The following DHCR7 variants were observed in gnomAD, a reference collection of about 807,000 sequenced individuals.
DHCR7 encodes the protein 7-DHC reductase.
DHCR7 carries 40 observed loss-of-function variants against 43.3 expected under a neutral mutation model. That is an observed-to-expected ratio of 0.92 (90% CI 0.72 to 1.20). The LOEUF is 1.20. Ranked by LOEUF, DHCR7 falls within the 50% of genes most tolerant of loss-of-function variation. DHCR7 has a pLI of 0.00. For missense variants in DHCR7, 608 were observed against 644.6 expected (o/e 0.94, Z 0.62); for synonymous variants, 298 against 271.4 (o/e 1.10, Z -0.96).
At chr11:71,440,505 A>G (rs1949337042) in intron 6 of DHCR7, among the ~76,000 whole-genome samples, 1 of 148,274 alleles carries the variant, frequency 6.7e-6, no homozygotes, top group Admixed American at 6.7e-5. Flanking sequence ...GGATGGGGAG[A>G]TGGGCAGGTG....
Position 71,447,729 on chromosome 11 carries a change from A to G in DHCR7, c.-126T>C, listed in dbSNP as rs1009407899. On this transcript the variant is annotated 5_prime_UTR_variant, in exon 2 of 9. Coordinates refer to ENST00000355527, the MANE Select transcript of DHCR7 (RefSeq NM_001360.3). ...CCTGCTTGATCCTTCTCAACCGGCT[A>G]AAGTCCTGCAAGGAACACAAAAATG... 6.6e-6 allele frequency: 1 copy of G among 152,288 alleles called. No homozygotes were observed. Among genetic ancestry groups the G allele is most frequent in the Admixed American group, 6.5e-5 (1 of 15,292 alleles). 9.4% of individuals were successfully genotyped at this position (152,288 alleles called of 1,614,324 possible).
At chr11:71,442,155 T>G (rs1949354504) in intron 5 of DHCR7, 108 bp downstream of exon 5, 1 of 889,106 alleles carries the variant, frequency 1.1e-6, no homozygotes, top group Non-Finnish European at 1.8e-6. Flanking sequence ...CAAAATGGAT[T>G]TCTATCCTGT....
intron 6 of DHCR7, 46 bp from the exon 7 acceptor site, chr11:71,439,129 C>T (rs775905290): frequency 1.1e-5 from 17 of 1,569,374 alleles, no homozygotes; most frequent in Non-Finnish European, 1.5e-5. Flanking sequence ...GAGCATATCT[C>T]ACAAGATGAA....
chr11:71,444,967 AAG>A lies in DHCR7; in HGVS notation c.-6-11_-6-10del. ...TTTGCAGCCATTGGGCCCTGCAAGA[AAG>A]AGAACCTTGCTTACATTATCCCTCA... On this transcript the variant is annotated splice_polypyrimidine_tract_variant and intron_variant, in intron 2 of 8. Coordinates refer to ENST00000355527, the MANE Select transcript of DHCR7 (RefSeq NM_001360.3). 6.2e-7 allele frequency: 1 copy of A among 1,610,768 alleles called. No individual in the cohort carries two copies. Among genetic ancestry groups the A allele is most frequent in the East Asian group, 2.2e-5 (1 of 44,858 alleles).
At chr11:71,448,085 G>C (rs1033591957) in intron 1 of DHCR7, 2 of 152,614 alleles carry the variant, frequency 1.3e-5, no homozygotes, top group Non-Finnish European at 2.9e-5. Flanking sequence ...TCGTGGGGGA[G>C]GGGGACTATC....
intron 6 of DHCR7, 133 bp from the exon 7 acceptor site, chr11:71,439,216 G>C (rs1003973951): frequency 1.2e-6 from 1 of 832,536 alleles, no homozygotes; most frequent in Non-Finnish European, 1.9e-6. Context: ...GCAGAAGCTG[G>C]CCATGAGCCG....
Position 71,444,927 on chromosome 11 carries a change from A to G in DHCR7, c.26T>C (p.Ile9Thr). 1 of 1,614,174 alleles carries G rather than the reference A, an allele frequency of 6.2e-7. No individual in the cohort carries two copies. The highest frequency in any genetic ancestry group is 8.5e-7 in the Non-Finnish European group (1 of 1,180,032). Residue 9 changes from isoleucine to threonine, a missense_variant, in exon 3 of 9, where the codon ATT becomes ACT. Physicochemically the swap from Ile to Thr is moderately conservative, Grantham distance 89. Transcript: ENST00000355527. The part of the protein sequence containing the change: MAAKSQPN[I>T]PKAKSLDGVT... ...GCCATCTAGACTCTTGGCTTTGGGA[A>G]TGTTGGGTTGCGATTTTGCAGCCAT...
chr11:71,431,202 G>A (rs1372330951), downstream of DHCR7, among the ~76,000 whole-genome samples: 2 of 152,166 alleles, frequency 1.3e-5, no homozygotes, highest in Admixed American at 1.3e-4. Flanking sequence ...CTCAAAGGTG[G>A]ACACAACAGT....
intron 7 of DHCR7, among the ~76,000 whole-genome samples, chr11:71,438,209 G>A (rs1156840850): frequency 1.3e-5 from 2 of 152,208 alleles, no homozygotes; most frequent in African/African-American, 4.8e-5. Context: ...GCTTGCAATG[G>A]CGCGTGCCAA....
intron 6 of DHCR7, among the ~76,000 whole-genome samples, chr11:71,440,326 AATGG>A (rs1349009029): frequency 2.0e-5 from 3 of 151,952 alleles, no homozygotes; most frequent in Admixed American, 2.0e-4. Flanking sequence ...TGGATGGGTA[AATGG>A]ATGGATGACG....
Position 71,437,963 on chromosome 11 carries a change from G to A in DHCR7, c.832-20C>T, listed in dbSNP as rs774288537. 1.6e-5 allele frequency: 26 copies of A among 1,610,988 alleles called. No homozygotes were observed. The highest frequency in any genetic ancestry group is 1.1e-4 in the East Asian group (5 of 44,880). ...GATGGCCTGCAAGACAGAAGCAGCC[G>A]CTGACCACCCCCGGCCCTCCTGGGG... On this transcript the variant is annotated intron_variant, in intron 7 of 8. Coordinates refer to ENST00000355527, the MANE Select transcript of DHCR7 (RefSeq NM_001360.3).
chr11:71,438,453 T>C (rs1949312976), intron 7 of DHCR7, among the ~76,000 whole-genome samples: 1 of 152,148 alleles, frequency 6.6e-6, no homozygotes, highest in South Asian at 2.1e-4. Context: ...GCCTCCAGCC[T>C]CACCTGGCTC....
chr11:71,431,633 A>G (rs1380154153), downstream of DHCR7, among the ~76,000 whole-genome samples: 1 of 152,200 alleles, frequency 6.6e-6, no homozygotes, highest in African/African-American at 2.4e-5. Context: ...TTAAAAACAA[A>G]TGCATTGTAT....
At chr11:71,446,486 A>C (rs1949404657) in intron 2 of DHCR7, among the ~76,000 whole-genome samples, 2 of 152,230 alleles carry the variant, frequency 1.3e-5, no homozygotes, top group African/African-American at 2.4e-5. Flanking sequence ...GAAATTACTT[A>C]GAAACAAGTA....
downstream of DHCR7, among the ~76,000 whole-genome samples, chr11:71,430,077 C>A (rs151071162): frequency 0.01 from 1,598 of 152,298 alleles, 16 homozygotes; most frequent in Non-Finnish European, 0.019. Context: ...GATCTGTGAG[C>A]TGAGGAGGCA....
At chr11:71,431,930 C>G (rs990718475), downstream of DHCR7, among the ~76,000 whole-genome samples, 6 of 152,154 alleles carry the variant, frequency 3.9e-5, no homozygotes, top group Admixed American at 1.3e-4. Context: ...CTCAGGTGAT[C>G]CTCCTGCCTC....
At chr11:71,443,946 A>C (rs1436054340) in intron 4 of DHCR7, 47 bp downstream of exon 4, 1 of 1,500,234 alleles carries the variant, frequency 6.7e-7, no homozygotes. Flanking sequence ...GCAGGAGGGC[A>C]CGCTCCCCAC....
At chr11:71,443,884 A>G in intron 4 of DHCR7, 109 bp downstream of exon 4, 1 of 870,034 alleles carries the variant, frequency 1.1e-6, no homozygotes. Context: ...GGGAACCCAG[A>G]TGTCAACCTG....
downstream of DHCR7, among the ~76,000 whole-genome samples, chr11:71,430,615 G>T (rs1446024196): frequency 1.3e-5 from 2 of 152,212 alleles, no homozygotes; most frequent in East Asian, 3.8e-4. Context: ...CACACTAGCT[G>T]GGTCCCACTC....
Sources: allele counts gnomAD v4.1 joint callset (sites outside exome capture counted in the v4.1 genomes callset), GRCh38; gene constraint gnomAD v4.1.1; transcripts MANE v1.5; gene names NCBI Gene and HGNC (gene_info 2026-07-23, HGNC 2026-07-21).